Variants in CALCA observed in about 807,000 individuals in gnomAD.
The protein encoded by CALCA is calcitonin related polypeptide alpha.
Under a neutral mutation model 6.9 loss-of-function variants are expected in CALCA, and 4 were observed. The ratio of observed to expected loss-of-function variants is 0.58; its 90% CI spans 0.29 to 1.33. The LOEUF is 1.33. Among genes scored for constraint, CALCA ranks in the 40% most tolerant of loss-of-function variants. The pLI, the probability that CALCA is intolerant of heterozygous loss-of-function variation, is 0.09. For missense variants in CALCA, 174 were observed against 178.3 expected (o/e 0.98, Z 0.14); for synonymous variants, 78 against 70.0 (o/e 1.11, Z -0.57).
At chr11:14,968,388 C>A, downstream of CALCA, 4 of 1,114,440 alleles carry the variant, frequency 3.6e-6, no homozygotes, top group South Asian at 5.9e-5. Context: ...AAGGGACCAC[C>A]CACCATATCC....
chr11:14,968,616 C>T lies in CALCA; in HGVS notation c.*183G>A. On this transcript the variant is annotated 3_prime_UTR_variant, in exon 4 of 4. Coordinates refer to ENST00000331587, the MANE Select transcript of CALCA (RefSeq NM_001741.3). Reference sequence around the variant, plus strand: ...CGGCCCTCATTTTCTGGTATTTTCCCAGGTGATTCTCTTCCAACCTGTGAG... The same window carrying T: ...CGGCCCTCATTTTCTGGTATTTTCCTAGGTGATTCTCTTCCAACCTGTGAG... 1 of 1,516,948 alleles carries T rather than the reference C, an allele frequency of 6.6e-7. No individual in the cohort carries two copies. Among genetic ancestry groups the T allele is most frequent in the Non-Finnish European group, 8.8e-7 (1 of 1,134,318 alleles). The allele number at this position is 1,516,948 out of a possible 1,614,324, so 94.0% of individuals were successfully genotyped here. A position where few individuals can be genotyped will look rare whatever the true frequency, so the allele number is the denominator to read the frequency against.
At chr11:14,969,721 C>T (rs575751924) in intron 3 of CALCA, among the ~76,000 whole-genome samples, 2 of 152,148 alleles carry the variant, frequency 1.3e-5, no homozygotes, top group East Asian at 1.9e-4. Flanking sequence ...CTTTCAGAAA[C>T]GGAGCCTTTT....
chr11:14,969,072 A>G, intron 3 of CALCA, 75 bp from the exon 4 acceptor site: 1 of 1,412,636 alleles, frequency 7.1e-7, no homozygotes, highest in Non-Finnish European at 1.0e-6. Context: ...AGAAGGTTAG[A>G]CCAGGCAGGG....
At chr11:14,967,344 A>G (rs1158295970), downstream of CALCA, among the ~76,000 whole-genome samples, 4 of 152,244 alleles carry the variant, frequency 2.6e-5, no homozygotes, top group African/African-American at 9.6e-5. Flanking sequence ...GGTACACAAC[A>G]TAGTAATGTA....
At chr11:14,967,585 C>T, downstream of CALCA, 1 of 1,496,202 alleles carries the variant, frequency 6.7e-7, no homozygotes, top group Admixed American at 1.9e-5. Flanking sequence ...TTTTTAAAAC[C>T]ACATGGTCTC....
chr11:14,969,875 A>T lies in CALCA; in HGVS notation c.227+60T>A, dbSNP rs1849551914. The T allele has an allele frequency of 2.5e-6, 4 of 1,611,280 alleles. No homozygotes were observed. The East Asian group carries it at 8.9e-5, about 36-fold the overall frequency. Reference sequence around the variant, plus strand: ...TGTTCTCTCCTACCTCTCGGGATCCACCTTCCTGTGTATGCTGCGGGGAGA... The same window carrying T: ...TGTTCTCTCCTACCTCTCGGGATCCTCCTTCCTGTGTATGCTGCGGGGAGA... On this transcript the variant is annotated intron_variant, in intron 3 of 3. Coordinates refer to ENST00000331587, the MANE Select transcript of CALCA (RefSeq NM_001741.3).
intron 1 of CALCA, among the ~76,000 whole-genome samples, 170 bp from the exon 2 acceptor site, chr11:14,971,371 C>T (rs1849601114): frequency 6.6e-6 from 1 of 152,192 alleles, no homozygotes; most frequent in African/African-American, 2.4e-5. Flanking sequence ...GCACAGTGGA[C>T]TTCTGGGAGG....
downstream of CALCA, chr11:14,967,700 C>A: frequency 1.9e-6 from 3 of 1,614,086 alleles, no homozygotes; most frequent in Non-Finnish European, 2.5e-6. Flanking sequence ...GCTGCTCAGG[C>A]TTGAAGGTCC....
rs781957659 is a variant in CALCA, at chr11:14,968,708, A to G, written c.*91T>C. 1.2e-6 allele frequency: 2 copies of G among 1,612,504 alleles called. No individual in the cohort carries two copies. Among genetic ancestry groups the G allele is most frequent in the Non-Finnish European group, 1.7e-6 (2 of 1,179,518 alleles). The stretch of plus-strand genomic sequence containing the variant: ...TGCCACAAGGAAAGCCACCAATACC[A>G]GCCCAAAGAGCCACCAGAGAGGAAC... On this transcript the variant is annotated 3_prime_UTR_variant, in exon 4 of 4. Coordinates refer to ENST00000331587, the MANE Select transcript of CALCA (RefSeq NM_001741.3).
At chr11:14,967,710 C>T (rs782127512), downstream of CALCA, 10 of 1,613,968 alleles carry the variant, frequency 6.2e-6, no homozygotes, top group Non-Finnish European at 7.6e-6. Context: ...CTTGAAGGTC[C>T]CTGCGGCGCC....
Position 14,971,266 on chromosome 11 carries a change from G to C in CALCA, c.-9-65C>G, listed in dbSNP as rs568844861. 3.1e-4 allele frequency: 324 copies of C among 1,046,286 alleles called. 1 individual carries two copies. In the African/African-American group the frequency reaches 4.7e-3, roughly 15 times the overall value. 64.8% of individuals were successfully genotyped at this position (1,046,286 alleles called of 1,614,324 possible). ...GAAGTTCTAGGAGCCCACAGACCTT[G>C]GCTCCTATCCTGGTTTTCTGTCTTG... On this transcript the variant is annotated intron_variant, in intron 1 of 3. Transcript: ENST00000331587.
In CALCA at chr11:14,968,651, CTT is replaced by C; in HGVS notation, c.*146_*147del. Reference sequence around the variant, plus strand: ...TCTTCCAACCTGTGAGTCCTGCTCTCTTTCCTCCCATCTGAAGTTTGAGACAT... The same window carrying C: ...TCTTCCAACCTGTGAGTCCTGCTCTCTCCTCCCATCTGAAGTTTGAGACAT... On this transcript the variant is annotated 3_prime_UTR_variant, in exon 4 of 4. Coordinates refer to ENST00000331587, the MANE Select transcript of CALCA (RefSeq NM_001741.3). 1 of 1,597,276 alleles carries C rather than the reference CTT, an allele frequency of 6.3e-7. No individual in the cohort carries two copies. Among genetic ancestry groups the C allele is most frequent in the Middle Eastern group, 2.0e-4 (1 of 4,942 alleles).
downstream of CALCA, chr11:14,968,392 C>A (rs1178546231): frequency 8.8e-7 from 1 of 1,134,666 alleles, no homozygotes; most frequent in East Asian, 6.0e-5. Context: ...GACCACCCAC[C>A]ATATCCTCTG....
chr11:14,969,787 G>C, intron 3 of CALCA, 148 bp downstream of exon 3: 1 of 1,218,296 alleles, frequency 8.2e-7, no homozygotes, highest in Non-Finnish European at 1.2e-6. Context: ...TCCCTTGGAG[G>C]CTGAGAACAG....
intron 1 of CALCA, 31 bp from the exon 2 acceptor site, chr11:14,971,232 C>A (rs782268685): frequency 1.3e-6 from 2 of 1,516,286 alleles, no homozygotes; most frequent in South Asian, 1.1e-5. Flanking sequence ...AAACCACCTG[C>A]GCCAGTTCGA....
chr11:14,968,777 A>G lies in CALCA; in HGVS notation c.*22T>C. 6.2e-7 allele frequency: 1 copy of G among 1,614,136 alleles called. No individual in the cohort carries two copies. Among genetic ancestry groups the G allele is most frequent in the East Asian group, 2.2e-5 (1 of 44,886 alleles). ...TTATAGGAAGGATGCAAGAAGGGAA[A>G]TTAGGAAGGAAAGGGAGGAGTTTAG... On this transcript the variant is annotated 3_prime_UTR_variant, in exon 4 of 4. Coordinates refer to ENST00000331587, the MANE Select transcript of CALCA (RefSeq NM_001741.3).
chr11:14,968,408 C>A, downstream of CALCA: 1 of 1,159,050 alleles, frequency 8.6e-7, no homozygotes, highest in African/African-American at 1.6e-5. Context: ...CTCTGTCCAG[C>A]TAGCCTAGGG....
intron 1 of CALCA, 57 bp from the exon 2 acceptor site, chr11:14,971,258 C>CTGTGGGCTCCT: frequency 9.5e-7 from 1 of 1,050,162 alleles, no homozygotes; most frequent in Non-Finnish European, 1.5e-6. Context: ...TAGGAGCCCA[C>CTGTGGGCTCCT]AGACCTTGGC....
At chr11:14,968,158 G>A (rs782820515), downstream of CALCA, 8 of 441,584 alleles carry the variant, frequency 1.8e-5, no homozygotes, top group East Asian at 4.8e-5. Flanking sequence ...AAATCAAAGC[G>A]GAGGTTTATG....
Sources: gnomAD v4.1 joint callset for allele counts (sites outside exome capture counted in the v4.1 genomes callset) on GRCh38, gnomAD v4.1.1 for gene constraint, MANE v1.5 for transcripts, NCBI Gene and HGNC (gene_info 2026-07-23, HGNC 2026-07-21) for gene names.